The following PLD1 variants were observed in gnomAD, a reference collection of about 807,000 sequenced individuals.
PLD1 encodes phospholipase D1.
Under a neutral mutation model 137.1 loss-of-function variants are expected in PLD1, and 112 were observed. The ratio of observed to expected loss-of-function variants is 0.82; its 90% confidence interval spans 0.70 to 0.96. The LOEUF (loss-of-function observed/expected upper bound fraction) is 0.96. Among genes scored for constraint, PLD1 ranks in the 40% least tolerant of loss-of-function variants. The pLI, the probability that PLD1 is intolerant of heterozygous loss-of-function variation, is 0.00. For synonymous variants in PLD1, 431 were observed against 454.7 expected (o/e 0.95, Z 0.66); for missense variants, 1,321 against 1,342.0 (o/e 0.98, Z 0.24).
At chr3:171,754,198 T>C (rs1342992999) in intron 1 of PLD1, among the ~76,000 whole-genome samples, 2 of 152,210 alleles carry the variant, frequency 1.3e-5, no homozygotes, top group African/African-American at 4.8e-5. Flanking sequence ...CCTGAGTCAC[T>C]GGTGTCTATT....
intron 6 of PLD1, 30 bp from the exon 7 acceptor site, chr3:171,726,106 CA>C (rs1399825453): frequency 6.7e-7 from 1 of 1,483,474 alleles, no homozygotes; most frequent in Non-Finnish European, 9.4e-7. Flanking sequence ...CCATCTTTAG[CA>C]AGCAAAACAA....
At chr3:171,694,102 A>G (rs571264217) in intron 12 of PLD1, among the ~76,000 whole-genome samples, 231 of 152,240 alleles carry the variant, frequency 1.5e-3, no homozygotes, top group African/African-American at 5.1e-3. Context: ...ACTTCAAAAT[A>G]CTAACACTCT....
In PLD1 at chr3:171,686,784, A is replaced by AGCT. The variant is rs1455097100; in HGVS notation, c.1767_1768insAGC (p.His589_Tyr590insSer). On this transcript the variant is annotated inframe_insertion, in exon 16 of 27. Transcript: ENST00000351298. The stretch of plus-strand genomic sequence containing the variant: ...TGGATTAAATTGTGATGACTTCTAT[A>AGCT]GTGATTAAAATAACCTAGAGAAATT... The AGCT allele has an allele frequency of 1.3e-6, 2 of 1,514,510 alleles. No individual in the cohort carries two copies. The highest frequency in any genetic ancestry group is 1.2e-5 in the South Asian group (1 of 85,052). 93.8% of individuals were successfully genotyped at this position (1,514,510 alleles called of 1,614,324 possible).
At chr3:171,775,422 A>G (rs1305689862) in intron 1 of PLD1, among the ~76,000 whole-genome samples, 1 of 152,156 alleles carries the variant, frequency 6.6e-6, no homozygotes, top group Non-Finnish European at 1.5e-5. Context: ...TTCCTTTGTA[A>G]TCCTATGCAT....
At chr3:171,780,347 G>A (rs142063779) in intron 1 of PLD1, among the ~76,000 whole-genome samples, 50 of 152,336 alleles carry the variant, frequency 3.3e-4, no homozygotes, top group African/African-American at 1.2e-3. Flanking sequence ...ATTCAGGACT[G>A]GGGTTTGGAT....
chr3:171,665,544 A>G (rs1352498927), intron 19 of PLD1, among the ~76,000 whole-genome samples: 1 of 152,134 alleles, frequency 6.6e-6, no homozygotes, highest in African/African-American at 2.4e-5. Context: ...TATTAAAAAT[A>G]CAAAAATTAG....
chr3:171,698,904 A>G (rs951537381), intron 12 of PLD1, among the ~76,000 whole-genome samples: 1 of 146,826 alleles, frequency 6.8e-6, no homozygotes, highest in African/African-American at 2.5e-5. Flanking sequence ...TAAAGCTGGG[A>G]GGCAGAGGTT....
At position 171,639,580 on chromosome 3, in the gene PLD1, AT is replaced by A. The variant is rs531872214; in HGVS notation, c.2593+3259del. ...ATAATATATATTATATATAATATATATTCATATAATATATATTCATATAATA... is the reference window on the plus strand; with the variant it reads ...ATAATATATATTATATATAATATATATCATATAATATATATTCATATAATA... On this transcript the variant is annotated intron_variant, in intron 23 of 26. Transcript: ENST00000351298. Among the ~76,000 whole-genome samples the A allele has an allele frequency of 1.5e-4, 13 of 86,000 alleles. No homozygotes were observed. In the East Asian group the frequency reaches 1.9e-3, roughly 13 times the overall value. 56.4% of individuals were successfully genotyped at this position (86,000 alleles called of 152,430 possible). A position where few individuals can be genotyped will look rare whatever the true frequency, so the allele number is the denominator to read the frequency against.
intron 25 of PLD1, among the ~76,000 whole-genome samples, chr3:171,609,232 A>C (rs1318893956): frequency 6.6e-6 from 1 of 152,158 alleles, no homozygotes. Context: ...AAAAGTCAAA[A>C]AACAACAGCT....
intron 19 of PLD1, among the ~76,000 whole-genome samples, chr3:171,665,780 T>C (rs984533198): frequency 2.0e-5 from 3 of 152,066 alleles, no homozygotes; most frequent in African/African-American, 7.2e-5. Flanking sequence ...GGCTCCCTGA[T>C]ACCTGCAAAA....
At chr3:171,791,635 T>C (rs1177636429) in intron 1 of PLD1, among the ~76,000 whole-genome samples, 1 of 152,208 alleles carries the variant, frequency 6.6e-6, no homozygotes, top group Non-Finnish European at 1.5e-5. Context: ...CACTTCCTAT[T>C]CCTTTAGCTT....
chr3:171,734,805 CTG>C, intron 5 of PLD1, 58 bp downstream of exon 5: 3 of 978,974 alleles, frequency 3.1e-6, no homozygotes, highest in African/African-American at 1.6e-5. Context: ...TCAGTAGATG[CTG>C]TGTTTCTACA....
At chr3:171,751,232 C>A (rs1186645744) in intron 1 of PLD1, among the ~76,000 whole-genome samples, 2 of 152,088 alleles carry the variant, frequency 1.3e-5, no homozygotes, top group East Asian at 3.9e-4. Flanking sequence ...GAACTACAAA[C>A]ATGTAAACAT....
Position 171,676,795 on chromosome 3 carries a change from GC to G in PLD1, c.2034del (p.Trp678CysfsTer30), listed in dbSNP as rs760229620. 3.7e-6 allele frequency: 6 copies of G among 1,614,192 alleles called. No individual in the cohort carries two copies. The highest frequency in any genetic ancestry group is 5.1e-6 in the Non-Finnish European group (6 of 1,180,006). On this transcript the variant is annotated frameshift_variant, in exon 18 of 27. Coordinates refer to ENST00000351298, the MANE Select transcript of PLD1 (RefSeq NM_002662.5). LOFTEE classifies it high-confidence loss of function. ...CCGTGGACTGCAGAGGCAATGTCAT[GC>G]CAGGGCATCCGGGGCGTGGAGTACC... ...IDRYSTPRMP[W>X]HDIASAVHGK...
At chr3:171,802,781 G>T (rs1487576221) in intron 1 of PLD1, among the ~76,000 whole-genome samples, 1 of 152,156 alleles carries the variant, frequency 6.6e-6, no homozygotes, top group East Asian at 1.9e-4. Context: ...GCAAAGAGTG[G>T]CCCCTGATTA....
At chr3:171,655,015 AC>A (rs1737074025) in intron 21 of PLD1, among the ~76,000 whole-genome samples, 1 of 152,180 alleles carries the variant, frequency 6.6e-6, no homozygotes, top group Non-Finnish European at 1.5e-5. Context: ...GCAGAAAAAT[AC>A]TTAGACCAGT....
rs753459610 is a variant in PLD1, at chr3:171,713,873, T to A, written c.911+20A>T. On this transcript the variant is annotated intron_variant, in intron 9 of 26. Transcript: ENST00000351298. ...AAGGCATTTTTGTAGAAATCTTTTT[T>A]AAATATTTGAAATGTGTACCTTGAA... 7.6e-6 allele frequency: 12 copies of A among 1,588,834 alleles called. No individual in the cohort carries two copies. The highest frequency in any genetic ancestry group is 1.0e-5 in the Non-Finnish European group (12 of 1,165,132).
chr3:171,798,440 C>T (rs1041021129), intron 1 of PLD1, among the ~76,000 whole-genome samples: 1 of 152,104 alleles, frequency 6.6e-6, no homozygotes, highest in Non-Finnish European at 1.5e-5. Context: ...TGTTGCTGTA[C>T]AGAAGTCATC....
At chr3:171,715,825 T>C (rs1717640796) in intron 8 of PLD1, among the ~76,000 whole-genome samples, 10 of 152,114 alleles carry the variant, frequency 6.6e-5, no homozygotes, top group Admixed American at 6.5e-4. Flanking sequence ...ATAGGGAAAC[T>C]TGTGTCACAG....
Sources: gnomAD v4.1 joint callset for allele counts (sites outside exome capture counted in the v4.1 genomes callset) on GRCh38, gnomAD v4.1.1 for gene constraint, MANE v1.5 for transcripts, NCBI Gene and HGNC (gene_info 2026-07-23, HGNC 2026-07-21) for gene names.